Variants in NECAB1 observed in about 807,000 individuals in gnomAD.
NECAB1 encodes N-terminal EF-hand calcium binding protein 1.
A neutral mutation model predicts 57.5 loss-of-function variants in NECAB1; 29 were observed. That is an observed-to-expected ratio of 0.50 (90% CI 0.38 to 0.69). The LOEUF is 0.69. Ranked by LOEUF, NECAB1 falls within the 30% of genes least tolerant of loss-of-function variation. NECAB1 has a pLI of 0.00. For synonymous variants in NECAB1, 142 were observed against 147.7 expected (o/e 0.96, Z 0.28); for missense variants, 372 against 413.8 (o/e 0.90, Z 0.88).
intron 5 of NECAB1, among the ~76,000 whole-genome samples, chr8:90,899,750 T>G (rs1160610513): frequency 6.6e-6 from 1 of 152,180 alleles, no homozygotes; most frequent in African/African-American, 2.4e-5. Flanking sequence ...TTCAGAAAGG[T>G]TTACAATGCT....
chr8:90,864,947 T>C (rs1047768572), intron 3 of NECAB1, among the ~76,000 whole-genome samples: 1 of 151,976 alleles, frequency 6.6e-6, no homozygotes, highest in African/African-American at 2.4e-5. Flanking sequence ...GGAGAATACA[T>C]CTATGCACAT....
intron 4 of NECAB1, among the ~76,000 whole-genome samples, chr8:90,876,362 C>G (rs1031931332): frequency 6.6e-6 from 1 of 152,074 alleles, no homozygotes; most frequent in Non-Finnish European, 1.5e-5. Flanking sequence ...TCAGAACATG[C>G]GGGTTTTAAC....
At chr8:90,833,655 A>C (rs866678997) in intron 3 of NECAB1, among the ~76,000 whole-genome samples, 9 of 152,294 alleles carry the variant, frequency 5.9e-5, no homozygotes, top group Middle Eastern at 3.4e-3. Context: ...TTATTCACAT[A>C]AATGCAGTTT....
chr8:90,861,102 G>A (rs148428322), intron 3 of NECAB1, among the ~76,000 whole-genome samples: 1 of 152,276 alleles, frequency 6.6e-6, no homozygotes, highest in African/African-American at 2.4e-5. Flanking sequence ...TTCGGTAACA[G>A]TCAAGTATCA....
chr8:90,826,846 A>G (rs1812233821), intron 3 of NECAB1, among the ~76,000 whole-genome samples: 1 of 151,916 alleles, frequency 6.6e-6, no homozygotes, highest in Non-Finnish European at 1.5e-5. Flanking sequence ...TAAATGTTAA[A>G]GAAGTATATG....
At chr8:90,927,405 A>G (rs1307223838) in intron 7 of NECAB1, among the ~76,000 whole-genome samples, 1 of 152,038 alleles carries the variant, frequency 6.6e-6, no homozygotes, top group Non-Finnish European at 1.5e-5. Context: ...CTTGAATTCA[A>G]TCACATTCTG....
chr8:90,910,811 A>G (rs762021015), intron 5 of NECAB1, among the ~76,000 whole-genome samples: 1 of 152,124 alleles, frequency 6.6e-6, no homozygotes, highest in African/African-American at 2.4e-5. Flanking sequence ...TTGTTATTCT[A>G]GTGAACATTT....
intron 3 of NECAB1, among the ~76,000 whole-genome samples, chr8:90,826,478 GT>G (rs1234271358): frequency 3.3e-5 from 5 of 151,916 alleles, no homozygotes; most frequent in African/African-American, 1.2e-4. Context: ...AGAAAGCCAT[GT>G]TGCACTTTAC....
intron 5 of NECAB1, among the ~76,000 whole-genome samples, chr8:90,916,035 A>C (rs1809943290): frequency 6.6e-6 from 1 of 152,166 alleles, no homozygotes; most frequent in African/African-American, 2.4e-5. Context: ...CTCAAATGTT[A>C]ATCTCCTTTG....
intron 5 of NECAB1, among the ~76,000 whole-genome samples, chr8:90,903,710 A>C (rs1247481627): frequency 6.6e-6 from 1 of 152,230 alleles, no homozygotes; most frequent in Non-Finnish European, 1.5e-5. Flanking sequence ...AAACAAACTA[A>C]AAATAATGGA....
intron 1 of NECAB1, among the ~76,000 whole-genome samples, chr8:90,798,485 C>T (rs1364942577): frequency 6.6e-6 from 1 of 152,122 alleles, no homozygotes; most frequent in African/African-American, 2.4e-5. Flanking sequence ...GTGTATGTTG[C>T]TGCCATCTTT....
rs555694076 is a variant in NECAB1 at position 90,917,671 on chromosome 8, T to C, written c.494+43T>C. 24 of 1,530,146 alleles carry C rather than the reference T, an allele frequency of 1.6e-5. No individual in the cohort carries two copies. The Middle Eastern group carries it at 5.3e-4, about 34-fold the overall frequency. The allele number at this position is 1,530,146 out of a possible 1,614,324, so 94.8% of individuals were successfully genotyped here. ...ATCTGATGTCTATTTAGTGACTCTA[T>C]GTTCATGAAAAAACAATTGAGAGGC... On this transcript the variant is annotated intron_variant, in intron 6 of 12. Transcript: ENST00000417640.
At chr8:90,954,942 C>CATACATGTATACATATTATATGTATAT (rs1471976361) in intron 12 of NECAB1, among the ~76,000 whole-genome samples, 17 of 146,046 alleles carry the variant, frequency 1.2e-4, no homozygotes, top group Non-Finnish European at 2.2e-4. Flanking sequence ...TATATGTATA[C>CATACATGTATACATATTATATGTATAT]ATACATGTAT....
intron 5 of NECAB1, among the ~76,000 whole-genome samples, chr8:90,915,893 G>C (rs1263991712): frequency 1.3e-5 from 2 of 152,192 alleles, no homozygotes; most frequent in African/African-American, 4.8e-5. Flanking sequence ...ACAGAAGAAA[G>C]ATGAAGGCCA....
intron 5 of NECAB1, among the ~76,000 whole-genome samples, chr8:90,896,096 T>C (rs1809322224): frequency 6.6e-6 from 1 of 152,188 alleles, no homozygotes; most frequent in South Asian, 2.1e-4. Context: ...TGCTGTGTCA[T>C]ACCATGCATC....
At chr8:90,899,067 T>C (rs553217192) in intron 5 of NECAB1, among the ~76,000 whole-genome samples, 7 of 152,284 alleles carry the variant, frequency 4.6e-5, no homozygotes, top group African/African-American at 1.7e-4. Context: ...GAAATGGAAG[T>C]TGGGCTGGCA....
Position 90,956,508 on chromosome 8 carries a change from GAACTATCTGTAGATAGTATACT to G in NECAB1, c.*998_*1019del, listed in dbSNP as rs939987034. ...GAATGACTAAAACTATCTACCTATA[GAACTATCTGTAGATAGTATACT>G]ATCTACACTCTGCTCAACAAGCTCA... On this transcript the variant is annotated 3_prime_UTR_variant, in exon 13 of 13. Coordinates refer to ENST00000417640, the MANE Select transcript of NECAB1 (RefSeq NM_022351.5). The G allele has an allele frequency of 2.0e-5, 3 of 151,558 alleles. No homozygotes were observed. Among genetic ancestry groups the G allele is most frequent in the Non-Finnish European group, 2.9e-5 (2 of 67,798 alleles). The allele number at this position is 151,558 out of a possible 1,614,324, so 9.4% of individuals were successfully genotyped here.
At chr8:90,797,530 GA>G (rs917707554) in intron 1 of NECAB1, among the ~76,000 whole-genome samples, 2 of 152,176 alleles carry the variant, frequency 1.3e-5, no homozygotes, top group African/African-American at 2.4e-5. Flanking sequence ...CTAAATATAA[GA>G]GTAGCTCTGG....
chr8:90,897,543 G>A (rs1380585966), intron 5 of NECAB1, among the ~76,000 whole-genome samples: 1 of 152,128 alleles, frequency 6.6e-6, no homozygotes, highest in Non-Finnish European at 1.5e-5. Flanking sequence ...TATATGTTAT[G>A]GAAATGGATG....
Sources: gnomAD v4.1 joint callset for allele counts (sites outside exome capture counted in the v4.1 genomes callset) on GRCh38, gnomAD v4.1.1 for gene constraint, MANE v1.5 for transcripts, NCBI Gene and HGNC (gene_info 2026-07-23, HGNC 2026-07-21) for gene names.